ADAMTS14: variants seen among roughly 807,000 people sequenced by gnomAD.
ADAMTS14 encodes the protein ADAM metallopeptidase with thrombospondin type 1 motif 14, also known as A disintegrin and metalloproteinase with thrombospondin motifs 14.
ADAMTS14 carries 100 observed loss-of-function variants against 128.6 expected under a neutral mutation model. That is an observed-to-expected ratio of 0.78 (90% CI 0.66 to 0.92). The LOEUF is 0.92. Among genes scored for constraint, ADAMTS14 ranks in the 40% least tolerant of loss-of-function variants. The probability of loss-of-function intolerance (pLI) is 0.00; values close to 1 mark genes in which losing one functional copy is unlikely to be tolerated. For synonymous variants in ADAMTS14, 665 were observed against 653.8 expected, an observed-to-expected ratio of 1.02 and a Z score of -0.26; for missense variants, 1,562 against 1,658.6, an observed-to-expected ratio of 0.94 and a Z score of 1.01.
At chr10:70,673,424 ACAGGTCTCTTGCATACAGAC>A (rs1839545957) in intron 1 of ADAMTS14, among the ~76,000 whole-genome samples, 1 of 150,870 alleles carries the variant, frequency 6.6e-6, no homozygotes, top group Admixed American at 6.6e-5. Context: ...CGCTGTGGAC[ACAGGTCTCTTGCATACAGAC>A]CAGATACACT....
Position 70,753,949 on chromosome 10 carries a change from G to A in ADAMTS14, c.2879G>A (p.Arg960Gln), listed in dbSNP as rs1353555463. The change falls in exon 19 of 22, where the codon CGA (arginine) becomes CAA (glutamine). Residue 960 changes from arginine to glutamine, a missense_variant. Physicochemically the swap from Arg to Gln is conservative, Grantham distance 43. Coordinates refer to ENST00000373207, the MANE Select transcript of ADAMTS14 (RefSeq NM_080722.4). The part of the protein sequence containing the change: ...KACAGDRPEA[R>Q]RPCLRVPCPA... ...TGCGCCGGGGACCGGCCTGAGGCCC[G>A]ACGGCCCTGTCTCCGAGTGCCCTGC... 12 of 1,585,090 alleles carry A rather than the reference G, an allele frequency of 7.6e-6. No individual in the cohort carries two copies. The highest frequency in any genetic ancestry group is 8.6e-6 in the Non-Finnish European group (10 of 1,166,604).
At chr10:70,732,497 G>T in intron 7 of ADAMTS14, 138 bp downstream of exon 7, 2 of 726,708 alleles carry the variant, frequency 2.8e-6, no homozygotes, top group South Asian at 3.6e-5. Flanking sequence ...GACTGCCACT[G>T]CGGCATGGCC....
intron 6 of ADAMTS14, 108 bp from the exon 7 acceptor site, chr10:70,732,146 C>T (rs954413329): frequency 9.3e-6 from 9 of 964,018 alleles, no homozygotes; most frequent in Non-Finnish European, 1.5e-5. Context: ...CCAGGAACGT[C>T]CCCACTCCAA....
chr10:70,759,134 C>CGGAG (rs1842549305), intron 21 of ADAMTS14, among the ~76,000 whole-genome samples: 1 of 30,322 alleles, frequency 3.3e-5, no homozygotes, highest in Non-Finnish European at 8.1e-5. Flanking sequence ...TCTTCTACTT[C>CGGAG]TCTGCTCCTA....
At chr10:70,751,743 C>T (rs1451537885) in intron 17 of ADAMTS14, 97 bp downstream of exon 17, 1 of 1,451,778 alleles carries the variant, frequency 6.9e-7, no homozygotes. Context: ...TTTGATGTGT[C>T]CTTGCTTATG....
chr10:70,727,813 C>T (rs966642694), intron 4 of ADAMTS14, among the ~76,000 whole-genome samples: 2 of 152,190 alleles, frequency 1.3e-5, no homozygotes, highest in Non-Finnish European at 2.9e-5. Flanking sequence ...ATCTTGGCCT[C>T]GGCCGGGCGC....
At chr10:70,739,124 G>A in intron 11 of ADAMTS14, 134 bp downstream of exon 11, 1 of 1,129,264 alleles carries the variant, frequency 8.9e-7, no homozygotes, top group Non-Finnish European at 1.2e-6. Context: ...TAACGCATGA[G>A]GACACAAACT....
intron 3 of ADAMTS14, among the ~76,000 whole-genome samples, chr10:70,703,870 C>T (rs541252841): frequency 8.9e-4 from 136 of 152,342 alleles, no homozygotes; most frequent in African/African-American, 3.0e-3. Context: ...TGAGGCCAGG[C>T]CCTGGTCCAT....
rs548298435 is a variant in ADAMTS14, at chr10:70,729,384, C to T, written c.954+7C>T. 6.2e-7 allele frequency: 1 copy of T among 1,612,212 alleles called. No homozygotes were observed. Among genetic ancestry groups the T allele is most frequent in the South Asian group, 1.1e-5 (1 of 91,024 alleles). On this transcript the variant is annotated splice_region_variant and intron_variant, in intron 5 of 21. Coordinates refer to ENST00000373207, the MANE Select transcript of ADAMTS14 (RefSeq NM_080722.4). ...CATGGTTGGCTACCGACAGGTAAAC[C>T]ACCTTGTCAGCAGGCAGGGTTTGCG...
At chr10:70,748,445 C>G (rs1022068533) in intron 15 of ADAMTS14, among the ~76,000 whole-genome samples, 3 of 152,200 alleles carry the variant, frequency 2.0e-5, no homozygotes, top group African/African-American at 7.2e-5. Flanking sequence ...GAGGGAGAGG[C>G]CTGGGTGGGC....
intron 19 of ADAMTS14, among the ~76,000 whole-genome samples, chr10:70,754,516 T>C (rs553477102): frequency 1.3e-5 from 2 of 152,240 alleles, no homozygotes; most frequent in Non-Finnish European, 2.9e-5. Context: ...AGAGGGCTTC[T>C]CTGAGGAGGT....
At chr10:70,713,002 G>T (rs1199739391) in intron 4 of ADAMTS14, among the ~76,000 whole-genome samples, 3 of 152,358 alleles carry the variant, frequency 2.0e-5, no homozygotes, top group South Asian at 2.1e-4. Flanking sequence ...GATTCTGGCT[G>T]GGGTTAGGAG....
intron 2 of ADAMTS14, among the ~76,000 whole-genome samples, chr10:70,686,839 C>T (rs1316292425): frequency 1.3e-5 from 1 of 78,174 alleles, no homozygotes; most frequent in Non-Finnish European, 2.8e-5. Context: ...GCAGAGGCGC[C>T]CCTCACCTCC....
At chr10:70,739,028 C>T in intron 11 of ADAMTS14, 38 bp downstream of exon 11, 3 of 1,572,566 alleles carry the variant, frequency 1.9e-6, no homozygotes, top group Non-Finnish European at 2.6e-6. Flanking sequence ...GGCAGGGAGT[C>T]CCTCCCCAGG....
In ADAMTS14 at chr10:70,751,549, G is replaced by T. The variant is rs34938142; in HGVS notation, c.2499G>T (p.Leu833=). The T allele has an allele frequency of 2.1e-4, 342 of 1,613,698 alleles. No homozygotes were observed. The highest frequency in any genetic ancestry group is 2.7e-4 in the Non-Finnish European group (323 of 1,179,758). ...AYKYVIHEDL[L]PLIGSNNVLL... is the part of the protein sequence containing the mutation. Reference sequence around the variant, plus strand: ...AGTACGTCATCCATGAGGACCTGCTGCCCCTTATCGGGAGCAACAATGTGC... The same window carrying T: ...AGTACGTCATCCATGAGGACCTGCTTCCCCTTATCGGGAGCAACAATGTGC... Residue 833 remains leucine, a synonymous_variant, in exon 17 of 22, where the codon CTG becomes CTT. Coordinates refer to ENST00000373207, the MANE Select transcript of ADAMTS14 (RefSeq NM_080722.4).
Position 70,752,364 on chromosome 10 carries a change from T to C in ADAMTS14, c.2729+137T>C. 2.3e-6 allele frequency: 3 copies of C among 1,309,802 alleles called. No homozygotes were observed. The South Asian group carries it at 4.7e-5, about 20-fold the overall frequency. 81.1% of individuals were successfully genotyped at this position (1,309,802 alleles called of 1,614,324 possible). On this transcript the variant is annotated intron_variant, in intron 18 of 21. Transcript: ENST00000373207. Reference sequence around the variant, plus strand: ...ATACAGGCAACACAACTTTCAGTGCTTCTGGGCTCCAGGCCCAGGCCAGGA... The same window carrying C: ...ATACAGGCAACACAACTTTCAGTGCCTCTGGGCTCCAGGCCCAGGCCAGGA...
At chr10:70,719,411 C>CACACACACAT (rs1399027568) in intron 4 of ADAMTS14, among the ~76,000 whole-genome samples, 1 of 130,986 alleles carries the variant, frequency 7.6e-6, no homozygotes, top group African/African-American at 2.9e-5. Context: ...CACACACACA[C>CACACACACAT]ACTTTTTAGA....
At chr10:70,759,131 C>CGGGG (rs1365378980) in intron 21 of ADAMTS14, among the ~76,000 whole-genome samples, 6 of 121,142 alleles carry the variant, frequency 5.0e-5, no homozygotes, top group South Asian at 2.8e-4. Context: ...CAATCTTCTA[C>CGGGG]TTCTCTGCTC....
intron 2 of ADAMTS14, among the ~76,000 whole-genome samples, chr10:70,693,390 C>T (rs7478009): frequency 0.17 from 25,356 of 152,178 alleles, 2,685 homozygotes; most frequent in Middle Eastern, 0.25. Context: ...CCTGCGGGCT[C>T]CCCTCCTGAG....
Sources: gnomAD v4.1 joint callset for allele counts (sites outside exome capture counted in the v4.1 genomes callset) on GRCh38, gnomAD v4.1.1 for gene constraint, MANE v1.5 for transcripts, NCBI Gene and HGNC (gene_info 2026-07-23, HGNC 2026-07-21) for gene names.